STARD13: variants seen among roughly 807,000 people sequenced by gnomAD.
STARD13 encodes stAR-related lipid transfer protein 13.
STARD13 carries 62 observed loss-of-function variants against 106.4 expected under a neutral mutation model. That is an observed-to-expected ratio of 0.58 (90% CI 0.48 to 0.72). The LOEUF (loss-of-function observed/expected upper bound fraction) is 0.72. STARD13 is among the 30% of genes least tolerant of loss of function. STARD13 has a pLI of 0.00. For missense variants in STARD13, 1,387 were observed against 1,424.0 expected (o/e 0.97, Z 0.42); for synonymous variants, 565 against 553.0 (o/e 1.02, Z -0.31).
At chr13:33,282,746 A>G (rs1891854916) in intron 1 of STARD13, among the ~76,000 whole-genome samples, 1 of 152,232 alleles carries the variant, frequency 6.6e-6, no homozygotes, top group South Asian at 2.1e-4. Flanking sequence ...GCTGTTAGTG[A>G]CAGGGCACAA....
At chr13:33,630,030 G>T in the STARD13 span, among the ~76,000 whole-genome samples, 1 of 152,192 alleles carries the variant, frequency 6.6e-6, no homozygotes, top group Non-Finnish European at 1.5e-5. Flanking sequence ...AATATGTTCT[G>T]ATAGTCCTTG....
At chr13:33,501,631 T>G in the STARD13 span, among the ~76,000 whole-genome samples, 1 of 152,206 alleles carries the variant, frequency 6.6e-6, no homozygotes. Flanking sequence ...GCATCATTTA[T>G]TAAATAGGGA....
chr13:33,637,010 A>C, the STARD13 span, among the ~76,000 whole-genome samples: 54 of 152,340 alleles, frequency 3.5e-4, no homozygotes, highest in East Asian at 9.1e-3. Context: ...GGTTGTGAGC[A>C]ACACACTACT....
chr13:33,610,044 T>C, the STARD13 span, among the ~76,000 whole-genome samples: 212 of 148,776 alleles, frequency 1.4e-3, 1 homozygote, highest in Non-Finnish European at 2.0e-3. Context: ...TATTAAACAA[T>C]CTTAAAGCTA....
At chr13:33,458,367 G>A in the STARD13 span, among the ~76,000 whole-genome samples, 20 of 151,468 alleles carry the variant, frequency 1.3e-4, no homozygotes, top group African/African-American at 4.6e-4. Flanking sequence ...CTGCCTCCCG[G>A]GTTCATGCCA....
the STARD13 span, among the ~76,000 whole-genome samples, chr13:33,607,842 C>A: frequency 6.6e-6 from 1 of 152,008 alleles, no homozygotes; most frequent in Non-Finnish European, 1.5e-5. Context: ...TTGAAAGACA[C>A]AATTTATGTT....
chr13:33,626,280 C>A, the STARD13 span, among the ~76,000 whole-genome samples: 1 of 152,202 alleles, frequency 6.6e-6, no homozygotes, highest in Non-Finnish European at 1.5e-5. Flanking sequence ...TTTATCCTCT[C>A]AGCTAAACAG....
chr13:33,451,888 C>A, the STARD13 span, among the ~76,000 whole-genome samples: 7 of 152,270 alleles, frequency 4.6e-5, no homozygotes, highest in Non-Finnish European at 8.8e-5. Flanking sequence ...AAAATTGATA[C>A]CTCTGAAGTC....
At chr13:33,656,265 T>G in the STARD13 span, among the ~76,000 whole-genome samples, 1 of 151,948 alleles carries the variant, frequency 6.6e-6, no homozygotes, top group Admixed American at 6.6e-5. Context: ...TAAATATTTA[T>G]GGATGGAAGA....
chr13:33,398,474 G>T, the STARD13 span, among the ~76,000 whole-genome samples: 1 of 152,022 alleles, frequency 6.6e-6, no homozygotes, highest in Non-Finnish European at 1.5e-5. Flanking sequence ...TCATCAAAAT[G>T]GAATTATTCT....
At chr13:33,204,658 G>C (rs1300688019) in intron 1 of STARD13, among the ~76,000 whole-genome samples, 2 of 152,208 alleles carry the variant, frequency 1.3e-5, no homozygotes, top group East Asian at 3.8e-4. Flanking sequence ...CCCATTTATA[G>C]TTGTCCTCAC....
At chr13:33,255,925 T>G (rs994769264) in intron 1 of STARD13, among the ~76,000 whole-genome samples, 2 of 152,312 alleles carry the variant, frequency 1.3e-5, no homozygotes, top group African/African-American at 4.8e-5. Flanking sequence ...ATAAGACTCT[T>G]CATAAGCACT....
chr13:33,310,454 T>C (rs1893088393), intron 1 of STARD13, among the ~76,000 whole-genome samples: 1 of 152,158 alleles, frequency 6.6e-6, no homozygotes, highest in Non-Finnish European at 1.5e-5. Flanking sequence ...AATTATATCA[T>C]TGAAGGCAAC....
chr13:33,626,227 A>G, the STARD13 span, among the ~76,000 whole-genome samples: 1 of 152,208 alleles, frequency 6.6e-6, no homozygotes, highest in Non-Finnish European at 1.5e-5. Context: ...GAAAGGGAGG[A>G]ATGGGAGATT....
the STARD13 span, among the ~76,000 whole-genome samples, chr13:33,563,629 G>T: frequency 2.0e-5 from 3 of 147,380 alleles, no homozygotes; most frequent in South Asian, 6.5e-4. Flanking sequence ...ACTCCTGAAA[G>T]AAAACTTTGG....
chr13:33,648,980 A>G, the STARD13 span, among the ~76,000 whole-genome samples: 5 of 150,880 alleles, frequency 3.3e-5, no homozygotes, highest in African/African-American at 1.2e-4. Context: ...TTTTTAGTAG[A>G]GATGGGGTTT....
the STARD13 span, among the ~76,000 whole-genome samples, chr13:33,414,684 A>G: frequency 7.9e-4 from 120 of 152,314 alleles, no homozygotes; most frequent in East Asian, 0.02. Flanking sequence ...AAAACAGAAC[A>G]GGAGGATCCT....
the STARD13 span, among the ~76,000 whole-genome samples, chr13:33,464,251 A>G: frequency 1.3e-5 from 2 of 151,936 alleles, no homozygotes; most frequent in African/African-American, 4.8e-5. Flanking sequence ...GTATTTTATT[A>G]TACTAGTCTC....
At chr13:33,644,472 C>T in the STARD13 span, among the ~76,000 whole-genome samples, 1 of 152,216 alleles carries the variant, frequency 6.6e-6, no homozygotes, top group Admixed American at 6.5e-5. Context: ...ACAGCGCACA[C>T]ACAGAGACAC....
Sources: gnomAD v4.1 joint callset for allele counts (sites outside exome capture counted in the v4.1 genomes callset) on GRCh38, gnomAD v4.1.1 for gene constraint, MANE v1.5 for transcripts, NCBI Gene and HGNC (gene_info 2026-07-23, HGNC 2026-07-21) for gene names.